GRIP1: variants seen among roughly 807,000 people sequenced by gnomAD.
GRIP1 encodes the protein glutamate receptor-interacting protein 1.
GRIP1 carries 45 observed loss-of-function variants against 129.9 expected under a neutral mutation model. The ratio of observed to expected loss-of-function variants is 0.35; its 90% CI spans 0.27 to 0.44. The LOEUF (loss-of-function observed/expected upper bound fraction) is 0.44, where lower values mean the gene tolerates loss of function less well. Among genes scored for constraint, GRIP1 ranks in the 20% least tolerant of loss-of-function variants. GRIP1 has a pLI of 1.00. For missense variants in GRIP1, 1,196 were observed against 1,396.8 expected (o/e 0.86, Z 2.29); for synonymous variants, 530 against 520.8 (o/e 1.02, Z -0.24).
At chr12:66,820,063 A>G (rs560556955) in intron 1 of GRIP1, among the ~76,000 whole-genome samples, 1 of 152,322 alleles carries the variant, frequency 6.6e-6, no homozygotes, top group Admixed American at 6.5e-5. Flanking sequence ...CACAGTGAAT[A>G]CTGAAGAAAT....
intron 23 of GRIP1, among the ~76,000 whole-genome samples, chr12:66,354,118 GACA>G (rs1250010339): frequency 6.6e-6 from 1 of 152,112 alleles, no homozygotes; most frequent in Non-Finnish European, 1.5e-5. Context: ...GTGTCTCTAT[GACA>G]ACACCTTGCT....
chr12:66,799,922 C>T (rs2038809857), intron 1 of GRIP1, among the ~76,000 whole-genome samples: 2 of 152,076 alleles, frequency 1.3e-5, no homozygotes, highest in Non-Finnish European at 2.9e-5. Context: ...AACAATGCAT[C>T]GTGTTTTTCA....
chr12:66,443,747 T>C (rs1025718357), intron 13 of GRIP1, among the ~76,000 whole-genome samples: 1 of 152,176 alleles, frequency 6.6e-6, no homozygotes, highest in Non-Finnish European at 1.5e-5. Flanking sequence ...TGAGGTACCA[T>C]GCCTGGCCTA....
chr12:66,713,717 G>A (rs1214930070), intron 1 of GRIP1, among the ~76,000 whole-genome samples: 1 of 151,888 alleles, frequency 6.6e-6, no homozygotes, highest in African/African-American at 2.4e-5. Flanking sequence ...TTCTTTCTCA[G>A]ACTGTTTACT....
At chr12:66,447,595 C>T (rs1351467100) in intron 11 of GRIP1, among the ~76,000 whole-genome samples, 1 of 151,986 alleles carries the variant, frequency 6.6e-6, no homozygotes. Flanking sequence ...CCTTTTTTCC[C>T]CCACTACAGG....
chr12:66,454,415 T>C (rs572569732), intron 11 of GRIP1, among the ~76,000 whole-genome samples: 2 of 152,336 alleles, frequency 1.3e-5, no homozygotes, highest in South Asian at 2.1e-4. Context: ...ATCATAATCA[T>C]GGCCATCAAA....
In GRIP1 at chr12:66,464,414, T is replaced by C. The variant is rs529071487; in HGVS notation, c.872+861A>G. Among the ~76,000 whole-genome samples the C allele has an allele frequency of 5.5e-4, 84 of 152,228 alleles. 1 individual carries two copies. Among genetic ancestry groups the C allele is most frequent in the Non-Finnish European group, 1.0e-3 (71 of 68,042 alleles). On this transcript the variant is annotated intron_variant, in intron 8 of 24. Coordinates refer to ENST00000359742, the MANE Select transcript of GRIP1 (RefSeq NM_001366722.1). Reference sequence around the variant, plus strand: ...TGATGTTTTAAGACACCCTCGAAGGTTGTAAAATCCTAAGATTAACATGCT... The same window carrying C: ...TGATGTTTTAAGACACCCTCGAAGGCTGTAAAATCCTAAGATTAACATGCT...
chr12:66,934,910 T>G (rs1346794106), intron 1 of GRIP1, among the ~76,000 whole-genome samples: 2 of 152,190 alleles, frequency 1.3e-5, no homozygotes, highest in East Asian at 3.8e-4. Flanking sequence ...CCTTCTTCTA[T>G]GAGGTAATGA....
intron 1 of GRIP1, among the ~76,000 whole-genome samples, chr12:67,019,401 G>A (rs2042833606): frequency 6.6e-6 from 1 of 152,304 alleles, no homozygotes; most frequent in South Asian, 2.1e-4. Flanking sequence ...CCCACGGCTG[G>A]CCCTGACTGC....
intron 2 of GRIP1, among the ~76,000 whole-genome samples, chr12:66,588,876 G>A (rs2063740979): frequency 6.6e-6 from 1 of 151,868 alleles, no homozygotes; most frequent in African/African-American, 2.4e-5. Flanking sequence ...GGCTGAGGCA[G>A]GAGAATCGCT....
At chr12:66,708,341 CCT>C (rs1427493419) in intron 1 of GRIP1, among the ~76,000 whole-genome samples, 2 of 151,832 alleles carry the variant, frequency 1.3e-5, no homozygotes, top group Non-Finnish European at 2.9e-5. Context: ...AATCCTAACC[CCT>C]GTCTAAAATT....
At chr12:66,655,552 T>C (rs2033097364) in intron 1 of GRIP1, among the ~76,000 whole-genome samples, 1 of 152,116 alleles carries the variant, frequency 6.6e-6, no homozygotes, top group Admixed American at 6.5e-5. Context: ...TTTGGACAAA[T>C]GTATAATGAC....
At chr12:66,439,162 T>C (rs1308464362) in intron 13 of GRIP1, among the ~76,000 whole-genome samples, 1 of 152,178 alleles carries the variant, frequency 6.6e-6, no homozygotes, top group African/African-American at 2.4e-5. Flanking sequence ...AGCTAGTTCT[T>C]ACTCCCCTCC....
chr12:66,588,709 G>A (rs1483369500), intron 2 of GRIP1, among the ~76,000 whole-genome samples: 4 of 151,972 alleles, frequency 2.6e-5, no homozygotes, highest in African/African-American at 7.2e-5. Flanking sequence ...AGTGGCTTAC[G>A]CTTGTAATCC....
At chr12:66,402,467 A>G (rs534787247) in intron 16 of GRIP1, among the ~76,000 whole-genome samples, 5 of 152,356 alleles carry the variant, frequency 3.3e-5, no homozygotes, top group East Asian at 1.9e-4. Flanking sequence ...TAAGGTACAC[A>G]GCAGGGTAGC....
At chr12:66,782,433 G>T (rs1194724197) in intron 1 of GRIP1, among the ~76,000 whole-genome samples, 3 of 152,154 alleles carry the variant, frequency 2.0e-5, no homozygotes, top group Non-Finnish European at 1.5e-5. Flanking sequence ...TAGAAGTGGT[G>T]AAAAACAAAA....
chr12:66,394,166 G>A lies in GRIP1; in HGVS notation c.2129+42C>T, dbSNP rs112872231. 1,035 of 1,583,080 alleles carry A rather than the reference G, an allele frequency of 6.5e-4. 2 individuals are homozygous for A. The African/African-American group carries it at 7.6e-3, about 12-fold the overall frequency. The stretch of plus-strand genomic sequence containing the variant: ...TATGTGGTTGTGAGGAAGGAAGCCC[G>A]TCTCAGACACAGGTAATTATAACAG... On this transcript the variant is annotated intron_variant, in intron 17 of 24. Transcript: ENST00000359742.
chr12:67,027,410 A>T (rs1371557552), intron 1 of GRIP1, among the ~76,000 whole-genome samples: 1 of 152,180 alleles, frequency 6.6e-6, no homozygotes, highest in Non-Finnish European at 1.5e-5. Flanking sequence ...GCAGCCACCT[A>T]CCAGTCCGTC....
intron 1 of GRIP1, among the ~76,000 whole-genome samples, chr12:67,060,932 A>T (rs2043523230): frequency 6.6e-6 from 1 of 151,978 alleles, no homozygotes; most frequent in Admixed American, 6.6e-5. Flanking sequence ...GATCTTTTGG[A>T]TATTGGGTTG....
Sources: allele counts gnomAD v4.1 joint callset (sites outside exome capture counted in the v4.1 genomes callset), GRCh38; gene constraint gnomAD v4.1.1; transcripts MANE v1.5; gene names NCBI Gene and HGNC (gene_info 2026-07-23, HGNC 2026-07-21).